The following ZBTB20 variants were observed in gnomAD, a reference collection of about 807,000 sequenced individuals.
ZBTB20 encodes zinc finger and BTB domain containing 20.
ZBTB20 carries 9 observed loss-of-function variants against 56.9 expected under a neutral mutation model. That is an observed-to-expected ratio of 0.16 (90% confidence interval 0.10 to 0.28). ZBTB20 has a LOEUF of 0.28. ZBTB20 is among the 10% of genes least tolerant of loss of function. ZBTB20 has a pLI of 1.00. For missense variants in ZBTB20, 655 were observed against 1,003.0 expected, an observed-to-expected ratio of 0.65 and a Z score of 4.69; for synonymous variants, 417 against 420.7, an observed-to-expected ratio of 0.99 and a Z score of 0.11.
At chr3:114,969,974 C>T (rs1379721179) in intron 3 of ZBTB20, among the ~76,000 whole-genome samples, 2 of 152,072 alleles carry the variant, frequency 1.3e-5, no homozygotes, top group African/African-American at 4.8e-5. Context: ...GATAAGAAAA[C>T]ACATTTGAAA....
chr3:114,613,491 T>C (rs114083414), intron 6 of ZBTB20, among the ~76,000 whole-genome samples: 2 of 152,166 alleles, frequency 1.3e-5, no homozygotes, highest in African/African-American at 2.4e-5. Context: ...AATTTACAGT[T>C]TGGAGGGAAA....
chr3:114,922,285 A>C (rs2075989245), intron 3 of ZBTB20, among the ~76,000 whole-genome samples: 2 of 152,006 alleles, frequency 1.3e-5, no homozygotes, highest in Admixed American at 1.3e-4. Context: ...AAGCATACTC[A>C]CTCTCACTAT....
intron 6 of ZBTB20, among the ~76,000 whole-genome samples, chr3:114,548,169 G>T (rs1457341689): frequency 6.6e-6 from 1 of 152,194 alleles, no homozygotes; most frequent in African/African-American, 2.4e-5. Flanking sequence ...TAGCCTTATG[G>T]CCATGGTATC....
chr3:115,037,541 T>C (rs2080977913), intron 2 of ZBTB20, among the ~76,000 whole-genome samples: 1 of 152,162 alleles, frequency 6.6e-6, no homozygotes, highest in African/African-American at 2.4e-5. Context: ...AGCCTCGACC[T>C]CCCAAAGTGC....
intron 7 of ZBTB20, among the ~76,000 whole-genome samples, chr3:114,431,760 A>G (rs530656726): frequency 2.6e-5 from 4 of 152,270 alleles, no homozygotes; most frequent in East Asian, 3.9e-4. Context: ...TTTTTCCACA[A>G]TCAGAACCAA....
At chr3:115,084,376 C>T (rs2108551645) in intron 1 of ZBTB20, among the ~76,000 whole-genome samples, 1 of 149,998 alleles carries the variant, frequency 6.7e-6, no homozygotes, top group Middle Eastern at 3.5e-3. Flanking sequence ...AACACAATAG[C>T]ACTCTATGCT....
intron 3 of ZBTB20, among the ~76,000 whole-genome samples, chr3:114,958,381 C>G (rs1459941374): frequency 6.6e-6 from 1 of 152,112 alleles, no homozygotes; most frequent in African/African-American, 2.4e-5. Flanking sequence ...AATCTAGTAA[C>G]AGTTCAACAT....
intron 2 of ZBTB20, among the ~76,000 whole-genome samples, chr3:115,004,131 C>A (rs2079368396): frequency 6.6e-6 from 1 of 151,632 alleles, no homozygotes; most frequent in East Asian, 2.0e-4. Context: ...GTCATGAGAA[C>A]TTGGGATTTC....
At chr3:114,466,440 GA>G (rs1400510089) in intron 7 of ZBTB20, among the ~76,000 whole-genome samples, 1 of 152,172 alleles carries the variant, frequency 6.6e-6, no homozygotes, top group Non-Finnish European at 1.5e-5. Flanking sequence ...TTGCCTCCAT[GA>G]GAACATATCT....
intron 4 of ZBTB20, among the ~76,000 whole-genome samples, chr3:114,836,020 A>G (rs2074104067): frequency 6.6e-6 from 1 of 152,196 alleles, no homozygotes; most frequent in Non-Finnish European, 1.5e-5. Context: ...GCCCCACTGC[A>G]CTTATAAGAC....
Position 114,468,104 on chromosome 3 carries a change from G to A in ZBTB20, c.-255+32248C>T, listed in dbSNP as rs555859381. On this transcript the variant is annotated intron_variant, in intron 7 of 11. Transcript: ENST00000675478. ...GAATATTTTTTTATGTCACCAAAAGGTGCTTTAGAAGAACAAACTAACTCA... is the reference window on the plus strand; with the variant it reads ...GAATATTTTTTTATGTCACCAAAAGATGCTTTAGAAGAACAAACTAACTCA... Among the ~76,000 whole-genome samples, 93 of 152,254 alleles carry A rather than the reference G, an allele frequency of 6.1e-4. No individual in the cohort carries two copies. The Middle Eastern group carries it at 0.031, about 50-fold the overall frequency.
chr3:114,365,614 T>G (rs1337755893), intron 10 of ZBTB20, among the ~76,000 whole-genome samples: 1 of 152,134 alleles, frequency 6.6e-6, no homozygotes, highest in Non-Finnish European at 1.5e-5. Context: ...AGGAGGAGGA[T>G]GTGGGGTTGC....
chr3:114,581,177 A>G (rs1420721534), intron 6 of ZBTB20, among the ~76,000 whole-genome samples: 1 of 152,058 alleles, frequency 6.6e-6, no homozygotes, highest in African/African-American at 2.4e-5. Flanking sequence ...ATAAAGAATG[A>G]CTAATTTTTT....
chr3:114,815,504 C>T (rs2072853105), intron 4 of ZBTB20, among the ~76,000 whole-genome samples: 1 of 152,134 alleles, frequency 6.6e-6, no homozygotes, highest in African/African-American at 2.4e-5. Context: ...CAACGAGTAG[C>T]CTCCTATTTT....
intron 6 of ZBTB20, among the ~76,000 whole-genome samples, chr3:114,654,389 A>G (rs1297082773): frequency 1.3e-5 from 2 of 151,916 alleles, no homozygotes; most frequent in African/African-American, 4.8e-5. Context: ...ATGAGGTATT[A>G]AGTTTGTTGT....
chr3:114,438,833 G>C (rs578192974), intron 7 of ZBTB20, among the ~76,000 whole-genome samples: 1 of 152,244 alleles, frequency 6.6e-6, no homozygotes, highest in South Asian at 2.1e-4. Context: ...CCAAACATGG[G>C]ACCTTGTGCA....
In ZBTB20 at chr3:114,316,791, T is replaced by C. The variant is rs1330787125; in HGVS notation, c.*22214A>G. The stretch of plus-strand genomic sequence containing the variant: ...AGCAAGAGAAACCTGGGTTTGGTCA[T>C]GCTGGGGGCTGACGTGGCAGTGCCA... On this transcript the variant is annotated 3_prime_UTR_variant, in exon 12 of 12. Coordinates refer to ENST00000675478, the MANE Select transcript of ZBTB20 (RefSeq NM_001348800.3). 3 of 296,208 alleles carry C rather than the reference T, an allele frequency of 1.0e-5. No homozygotes were observed. Among genetic ancestry groups the C allele is most frequent in the Non-Finnish European group, 2.0e-5 (3 of 148,298 alleles). The allele number at this position is 296,208 out of a possible 1,614,324, so 18.3% of individuals were successfully genotyped here. A position where few individuals can be genotyped will look rare whatever the true frequency, so the allele number is the denominator to read the frequency against.
At chr3:114,891,731 T>C (rs764732207) in intron 4 of ZBTB20, among the ~76,000 whole-genome samples, 1 of 152,184 alleles carries the variant, frequency 6.6e-6, no homozygotes, top group Non-Finnish European at 1.5e-5. Context: ...AGATAACTAC[T>C]TCTTAAATGA....
intron 2 of ZBTB20, among the ~76,000 whole-genome samples, chr3:115,007,256 G>A (rs538093697): frequency 4.0e-4 from 61 of 151,320 alleles, no homozygotes; most frequent in African/African-American, 1.4e-3. Flanking sequence ...AACTTCTTCT[G>A]GAAATACTTG....
Sources: allele counts gnomAD v4.1 joint callset (sites outside exome capture counted in the v4.1 genomes callset), GRCh38; gene constraint gnomAD v4.1.1; transcripts MANE v1.5; gene names NCBI Gene and HGNC (gene_info 2026-07-23, HGNC 2026-07-21).